The following MCCC2 variants were observed in gnomAD, a reference collection of about 807,000 sequenced individuals.
MCCC2 encodes the protein methylcrotonyl-CoA carboxylase subunit 2, also known as methylcrotonoyl-CoA carboxylase beta chain, mitochondrial.
Under a neutral mutation model 77.2 loss-of-function variants are expected in MCCC2, and 52 were observed. That is an observed-to-expected ratio of 0.67 (90% CI 0.54 to 0.85). The LOEUF is 0.85. MCCC2 is among the 40% of genes least tolerant of loss of function. MCCC2 has a pLI of 0.00. For missense variants in MCCC2, 682 were observed against 703.2 expected, an observed-to-expected ratio of 0.97 and a Z score of 0.34; for synonymous variants, 253 against 248.4, an observed-to-expected ratio of 1.02 and a Z score of -0.18.
intron 3 of MCCC2, among the ~76,000 whole-genome samples, chr5:71,598,029 C>T (rs1745255892): frequency 6.6e-6 from 1 of 151,906 alleles, no homozygotes. Flanking sequence ...CAATAAGATC[C>T]ACCTCAGAAG....
At chr5:71,638,240 A>G (rs946689850) in intron 10 of MCCC2, among the ~76,000 whole-genome samples, 2 of 152,196 alleles carry the variant, frequency 1.3e-5, no homozygotes, top group Admixed American at 6.5e-5. Context: ...TTACATCTTC[A>G]GACTCCACTT....
intron 1 of MCCC2, among the ~76,000 whole-genome samples, chr5:71,592,021 G>A (rs977791015): frequency 4.6e-5 from 7 of 152,222 alleles, no homozygotes; most frequent in South Asian, 4.1e-4. Flanking sequence ...TCCTGCCTCC[G>A]CCTTCCAAAG....
intron 14 of MCCC2, 30 bp downstream of exon 14, chr5:71,649,283 G>C (rs778824564): frequency 5.6e-6 from 9 of 1,597,558 alleles, no homozygotes; most frequent in Non-Finnish European, 7.7e-6. Flanking sequence ...CTGAAACAAA[G>C]AAACATGCTT....
rs1213022394 is a variant in MCCC2, at chr5:71,593,003, C to G, written c.196+11C>G. The G allele has an allele frequency of 2.5e-6, 4 of 1,602,938 alleles. No homozygotes were observed. The highest frequency in any genetic ancestry group is 1.7e-5 in the Admixed American group (1 of 59,950). ...AGCATATAAAACTAGGTAAACACAG[C>G]ATTTATTCCACAGCTTATGCCTTTA... On this transcript the variant is annotated intron_variant, in intron 2 of 16. Coordinates refer to ENST00000340941, the MANE Select transcript of MCCC2 (RefSeq NM_022132.5).
Position 71,599,753 on chromosome 5 carries a change from G to A in MCCC2, c.376G>A (p.Val126Ile). 1.2e-6 allele frequency: 2 copies of A among 1,613,220 alleles called. No individual in the cohort carries two copies. The change falls in exon 4 of 17, where the codon GTA becomes ATA. Residue 126 changes from valine to isoleucine, a missense_variant. Val to Ile is a conservative substitution (Grantham distance 29, BLOSUM62 3). Coordinates refer to ENST00000340941, the MANE Select transcript of MCCC2 (RefSeq NM_022132.5). The stretch of plus-strand genomic sequence containing the variant: ...TGGCATTATTACAGGCATTGGAAGA[G>A]TATCAGGGTGAGTATTCTACTTGTG... ...GGGIITGIGRVSGVECMIIAN... is the reference protein window; with the variant it reads ...GGGIITGIGRISGVECMIIAN...
chr5:71,597,360 G>C (rs1232063003), intron 3 of MCCC2, among the ~76,000 whole-genome samples: 1 of 152,204 alleles, frequency 6.6e-6, no homozygotes, highest in Non-Finnish European at 1.5e-5. Context: ...GAGAAATGGG[G>C]AGCTATTGTA....
intron 7 of MCCC2, 56 bp downstream of exon 7, chr5:71,626,809 A>C: frequency 7.2e-7 from 1 of 1,396,570 alleles, no homozygotes; most frequent in Non-Finnish European, 1.0e-6. Flanking sequence ...CATAAAATAC[A>C]CCATTTAAAC....
intron 6 of MCCC2, among the ~76,000 whole-genome samples, chr5:71,610,011 C>G (rs1745860787): frequency 6.6e-6 from 1 of 152,222 alleles, no homozygotes. Context: ...GAGGTTACTG[C>G]TGTCTTTTTG....
In MCCC2 at chr5:71,643,804, G is replaced by A. The variant is rs1312063276; in HGVS notation, c.1073-15G>A. On this transcript the variant is annotated splice_polypyrimidine_tract_variant and intron_variant, in intron 11 of 16. Transcript: ENST00000340941. ...AAAGCACAAGACATAAATCTTCTTTGAACTTTCTTTTGAGGATTTGCTCGA... is the reference window on the plus strand; with the variant it reads ...AAAGCACAAGACATAAATCTTCTTTAAACTTTCTTTTGAGGATTTGCTCGA... 3 of 1,613,910 alleles carry A rather than the reference G, an allele frequency of 1.9e-6. No homozygotes were observed. Among genetic ancestry groups the A allele is most frequent in the African/African-American group, 2.7e-5 (2 of 74,890 alleles).
chr5:71,590,486 T>C (rs938630353), intron 1 of MCCC2, among the ~76,000 whole-genome samples: 1 of 152,230 alleles, frequency 6.6e-6, no homozygotes, highest in Non-Finnish European at 1.5e-5. Flanking sequence ...GTCATCCTTC[T>C]GCCATTGATT....
rs770631739 is a variant in MCCC2 at position 71,653,522 on chromosome 5, C to T, written c.1574+768C>T. ...AAATTAGCTTATGTTGTAATTTATG[C>T]TGGCGAAGGCAAACTGGAGAGGAGA... On this transcript the variant is annotated intron_variant, in intron 16 of 16. Coordinates refer to ENST00000340941, the MANE Select transcript of MCCC2 (RefSeq NM_022132.5). 1.0e-4 allele frequency among the ~76,000 whole-genome samples: 15 copies of T among 149,634 alleles called. No individual in the cohort carries two copies. In the South Asian group the frequency reaches 3.0e-3, roughly 30 times the overall value.
At chr5:71,636,971 T>C (rs1746954689) in intron 10 of MCCC2, among the ~76,000 whole-genome samples, 1 of 151,996 alleles carries the variant, frequency 6.6e-6, no homozygotes, top group Non-Finnish European at 1.5e-5. Flanking sequence ...CTCGAACTCC[T>C]GACCTTAGGT....
chr5:71,590,992 A>G (rs551809750), intron 1 of MCCC2, among the ~76,000 whole-genome samples: 1 of 152,280 alleles, frequency 6.6e-6, no homozygotes, highest in African/African-American at 2.4e-5. Flanking sequence ...GTTAGCTCCA[A>G]CTGGTTCTTT....
At chr5:71,631,538 CTTTTT>C (rs544704315) in intron 7 of MCCC2, among the ~76,000 whole-genome samples, 8 of 128,318 alleles carry the variant, frequency 6.2e-5, no homozygotes, top group Non-Finnish European at 9.9e-5. Flanking sequence ...GGTCTTTCTT[CTTTTT>C]TTTTTTTTTT....
At chr5:71,594,898 C>CT (rs1554133335) in intron 2 of MCCC2, among the ~76,000 whole-genome samples, 3,557 of 19,462 alleles carry the variant, frequency 0.18, 65 homozygotes, top group South Asian at 0.41. Flanking sequence ...AAGTCTCTCT[C>CT]TTTTTTTTTT....
intron 8 of MCCC2, among the ~76,000 whole-genome samples, chr5:71,633,121 A>ATTTTTT (rs1231509058): frequency 3.4e-4 from 10 of 29,824 alleles, no homozygotes; most frequent in South Asian, 1.2e-3. Flanking sequence ...ATATATATAT[A>ATTTTTT]TATATATATA....
intron 10 of MCCC2, 93 bp from the exon 11 acceptor site, chr5:71,640,910 A>G (rs1747104275): frequency 1.2e-5 from 13 of 1,094,930 alleles, no homozygotes; most frequent in Non-Finnish European, 1.7e-5. Flanking sequence ...GAAAGTGACA[A>G]CTTCACTGTG....
intron 8 of MCCC2, among the ~76,000 whole-genome samples, chr5:71,634,631 G>T (rs956921495): frequency 6.6e-6 from 1 of 152,224 alleles, no homozygotes; most frequent in African/African-American, 2.4e-5. Flanking sequence ...AGGCCCCTTG[G>T]TCTAGCAGAG....
At chr5:71,611,992 A>G (rs1046318921) in intron 6 of MCCC2, among the ~76,000 whole-genome samples, 2 of 151,880 alleles carry the variant, frequency 1.3e-5, no homozygotes, top group African/African-American at 2.4e-5. Context: ...GTTTCACCAC[A>G]TTAGCCAGGA....
Sources: gnomAD v4.1 joint callset for allele counts (sites outside exome capture counted in the v4.1 genomes callset) on GRCh38, gnomAD v4.1.1 for gene constraint, MANE v1.5 for transcripts, NCBI Gene and HGNC (gene_info 2026-07-23, HGNC 2026-07-21) for gene names.